FCGR2A: variants seen among roughly 807,000 people sequenced by gnomAD.
FCGR2A encodes the protein low affinity immunoglobulin gamma Fc region receptor II-a.
A neutral mutation model predicts 29.3 loss-of-function variants in FCGR2A; 18 were observed. The ratio of observed to expected loss-of-function variants is 0.62; its 90% CI spans 0.43 to 0.91. FCGR2A has a LOEUF of 0.91. Ranked by LOEUF, FCGR2A falls within the 40% of genes least tolerant of loss-of-function variation. The pLI is 0.00. For missense variants in FCGR2A, 287 were observed against 393.0 expected (o/e 0.73, Z 2.28); for synonymous variants, 126 against 144.8 (o/e 0.87, Z 0.93).
downstream of FCGR2A, chr1:161,523,848 G>T (rs1298861344): frequency 6.6e-6 from 1 of 152,070 alleles, no homozygotes; most frequent in Non-Finnish European, 1.5e-5. Flanking sequence ...AAATGAAAGT[G>T]CATTGGCCGG....
At chr1:161,509,767 A>T in intron 3 of FCGR2A, 53 bp from the exon 4 acceptor site, 1 of 1,606,736 alleles carries the variant, frequency 6.2e-7, no homozygotes, top group Admixed American at 1.7e-5. Flanking sequence ...GAGACTGAAA[A>T]ACCCTTGGAA....
downstream of FCGR2A, chr1:161,522,846 C>CG (rs1557841664): frequency 6.6e-6 from 1 of 152,068 alleles, no homozygotes; most frequent in African/African-American, 2.4e-5. Flanking sequence ...CTGGTGCTCT[C>CG]GGAGAGACGA....
At chr1:161,510,192 G>A in intron 4 of FCGR2A, 118 bp downstream of exon 4, 1 of 1,529,912 alleles carries the variant, frequency 6.5e-7, no homozygotes, top group Non-Finnish European at 8.8e-7. Context: ...GGGCACTGGA[G>A]CAAAGAGGAG....
At chr1:161,512,712 G>C (rs1487850858) in intron 5 of FCGR2A, among the ~76,000 whole-genome samples, 1 of 152,114 alleles carries the variant, frequency 6.6e-6, no homozygotes, top group Non-Finnish European at 1.5e-5. Flanking sequence ...CCGCACCTCA[G>C]ATGGCTGGAG....
chr1:161,521,926 G>A (rs1019689654), downstream of FCGR2A, among the ~76,000 whole-genome samples: 16 of 152,128 alleles, frequency 1.1e-4, no homozygotes, highest in Admixed American at 9.2e-4. Flanking sequence ...ATATTGAGTC[G>A]TGAGCTTTGC....
chr1:161,509,644 C>T (rs900247651), intron 3 of FCGR2A, among the ~76,000 whole-genome samples, 176 bp from the exon 4 acceptor site: 7 of 152,196 alleles, frequency 4.6e-5, no homozygotes, highest in African/African-American at 1.7e-4. Context: ...TTTTAGAAGT[C>T]CCACAGATAT....
At chr1:161,512,963 G>T (rs1675903332) in intron 5 of FCGR2A, among the ~76,000 whole-genome samples, 1 of 152,320 alleles carries the variant, frequency 6.6e-6, no homozygotes, top group South Asian at 2.1e-4. Flanking sequence ...TTGCAGCCAG[G>T]CATGGGGGCT....
downstream of FCGR2A, chr1:161,519,835 GT>G (rs1274725720): frequency 6.6e-6 from 1 of 152,134 alleles, no homozygotes; most frequent in East Asian, 1.9e-4. Flanking sequence ...TGGAACACAA[GT>G]TGTCAGAAAG....
In FCGR2A at chr1:161,509,825, C is replaced by T. The variant is rs371752364; in HGVS notation, c.370C>T (p.Leu124=). The T allele has an allele frequency of 8.1e-6, 13 of 1,614,210 alleles. No homozygotes were observed. Among genetic ancestry groups the T allele is most frequent in the Non-Finnish European group, 9.3e-6 (11 of 1,180,032 alleles). Residue 124 remains leucine (L), a synonymous_variant, in exon 4 of 7, where the codon CTG becomes TTG. Transcript: ENST00000271450. ...ATCATATTTGTGTCTTTCAGAATGG[C>T]TGGTGCTCCAGACCCCTCACCTGGA... ...PVHLTVLSEW[L]VLQTPHLEFQ...
chr1:161,511,755 GT>G (rs1338374203), intron 5 of FCGR2A, among the ~76,000 whole-genome samples: 20 of 152,338 alleles, frequency 1.3e-4, no homozygotes, highest in African/African-American at 3.6e-4. Context: ...CCTCCTGTGT[GT>G]CCCTCCCAGC....
Position 161,510,836 on chromosome 1 carries a change from C to A in FCGR2A, c.622C>A (p.Pro208Thr). The change falls in exon 5 of 7, where the codon CCC (proline) becomes ACC (threonine). Residue 208 changes from proline (P) to threonine (T), a missense_variant and splice_region_variant. Around this residue, in one of 3 missense-constraint regions of FCGR2A, gnomAD observed 72 missense variants for 68.6 expected, o/e 1.05. Transcript: ENST00000271450. ...GCCCTAATGTCTGTCTTCCCTAGTG[C>A]CCAGCATGGGCAGCTCTTCACCAAT... ...SKPVTITVQV[P>T]SMGSSSPMGI... 2 of 1,614,146 alleles carry A rather than the reference C, an allele frequency of 1.2e-6. No individual in the cohort carries two copies. The highest frequency in any genetic ancestry group is 1.7e-6 in the Non-Finnish European group (2 of 1,179,990).
downstream of FCGR2A, among the ~76,000 whole-genome samples, chr1:161,520,261 A>G (rs1029334835): frequency 2.6e-5 from 4 of 152,064 alleles, no homozygotes; most frequent in African/African-American, 9.7e-5. Context: ...ATCGCTGGGG[A>G]GGCCTCAGGA....
intron 3 of FCGR2A, among the ~76,000 whole-genome samples, chr1:161,509,498 C>T (rs565923415): frequency 8.5e-5 from 13 of 152,312 alleles, no homozygotes; most frequent in South Asian, 4.1e-4. Flanking sequence ...CAAAAACTGA[C>T]GGCTTCAGGC....
chr1:161,520,483 G>A (rs1676409527), downstream of FCGR2A, among the ~76,000 whole-genome samples: 1 of 151,946 alleles, frequency 6.6e-6, no homozygotes. Context: ...TGGGGATTAT[G>A]AGGATGACAA....
chr1:161,510,452 G>T (rs1480642527), intron 4 of FCGR2A: 2 of 472,508 alleles, frequency 4.2e-6, no homozygotes, highest in Non-Finnish European at 7.7e-6. Flanking sequence ...AGAAAGCCTG[G>T]CACGTCATGG....
rs10712086 is a variant in FCGR2A at position 161,509,341 on chromosome 1, ATT to A, written c.365-465_365-464del. 3.5e-3 allele frequency among the ~76,000 whole-genome samples: 515 copies of A among 148,290 alleles called. 1 individual carries two copies. Among genetic ancestry groups the A allele is most frequent in the Middle Eastern group, 6.8e-3 (2 of 292 alleles). On this transcript the variant is annotated intron_variant, in intron 3 of 6. Transcript: ENST00000271450. ...GTGGATGAGGGATGATTAAGGCTCT[ATT>A]TTTTTTTTTTTTTAACCAGCAACAG... is the stretch of plus-strand genomic sequence containing the variant.
At chr1:161,513,780 A>C (rs1675966809) in intron 5 of FCGR2A, 115 bp from the exon 6 acceptor site, 1 of 1,458,104 alleles carries the variant, frequency 6.9e-7, no homozygotes, top group African/African-American at 1.4e-5. Context: ...GACTGTGTCA[A>C]GGGGTCAGCA....
intron 5 of FCGR2A, among the ~76,000 whole-genome samples, chr1:161,511,678 G>A (rs1447435712): frequency 1.3e-5 from 2 of 151,980 alleles, no homozygotes; most frequent in Non-Finnish European, 2.9e-5. Context: ...GCCTGAGCTG[G>A]TCCCATCCAA....
chr1:161,517,476 G>A (rs1280589597), intron 6 of FCGR2A, among the ~76,000 whole-genome samples: 1 of 152,128 alleles, frequency 6.6e-6, no homozygotes, highest in Admixed American at 6.5e-5. Context: ...TTTAAAACTG[G>A]TTAAAGTTGC....
Sources: allele counts gnomAD v4.1 joint callset (sites outside exome capture counted in the v4.1 genomes callset), GRCh38; gene constraint gnomAD v4.1.1; regional missense constraint gnomAD v4.1.1; transcripts MANE v1.5; gene names NCBI Gene and HGNC (gene_info 2026-07-23, HGNC 2026-07-21).